Variants in ANKIB1 observed in about 807,000 individuals in gnomAD.
ANKIB1 encodes ankyrin repeat and IBR domain containing 1.
Under a neutral mutation model 122.1 loss-of-function variants are expected in ANKIB1, and 43 were observed. The ratio of observed to expected loss-of-function variants is 0.35; its 90% CI spans 0.28 to 0.45. ANKIB1 has a LOEUF of 0.45. Ranked by LOEUF, ANKIB1 falls within the 20% of genes least tolerant of loss-of-function variation. The pLI, the probability that ANKIB1 is intolerant of heterozygous loss-of-function variation, is 1.00. For missense variants in ANKIB1, 992 were observed against 1,329.5 expected, an observed-to-expected ratio of 0.75 and a Z score of 3.95; for synonymous variants, 390 against 442.0, an observed-to-expected ratio of 0.88 and a Z score of 1.48.
At chr7:92,290,412 C>A (rs1802222674) in intron 1 of ANKIB1, among the ~76,000 whole-genome samples, 1 of 141,108 alleles carries the variant, frequency 7.1e-6, no homozygotes, top group Non-Finnish European at 1.5e-5. Flanking sequence ...TGTATTGGGA[C>A]CTGCTGCCTG....
intron 11 of ANKIB1, among the ~76,000 whole-genome samples, chr7:92,374,812 A>G (rs1804346452): frequency 6.6e-6 from 1 of 152,156 alleles, no homozygotes; most frequent in South Asian, 2.1e-4. Context: ...CGCGACTAAT[A>G]AATAAATCCA....
chr7:92,359,630 C>T (rs1429679644), intron 9 of ANKIB1, among the ~76,000 whole-genome samples: 1 of 152,160 alleles, frequency 6.6e-6, no homozygotes, highest in Non-Finnish European at 1.5e-5. Flanking sequence ...AGTTCTAGAT[C>T]CTTGAGGAAT....
intron 7 of ANKIB1, among the ~76,000 whole-genome samples, chr7:92,350,098 AT>A (rs953155383): frequency 5.3e-5 from 8 of 151,860 alleles, no homozygotes; most frequent in African/African-American, 1.9e-4. Flanking sequence ...TTTACAGGGC[AT>A]TTTTTCCTCA....
At chr7:92,343,629 C>T (rs1803478672) in intron 6 of ANKIB1, among the ~76,000 whole-genome samples, 1 of 151,978 alleles carries the variant, frequency 6.6e-6, no homozygotes, top group Non-Finnish European at 1.5e-5. Context: ...CTCAGGAGTT[C>T]AAGACTAGCC....
intron 11 of ANKIB1, among the ~76,000 whole-genome samples, chr7:92,382,013 C>A (rs1376567795): frequency 6.6e-6 from 1 of 151,244 alleles, no homozygotes; most frequent in African/African-American, 2.4e-5. Context: ...TGTGCAGAGA[C>A]ATACATAGGC....
At chr7:92,279,924 C>T (rs1336611113) in intron 1 of ANKIB1, among the ~76,000 whole-genome samples, 1 of 152,136 alleles carries the variant, frequency 6.6e-6, no homozygotes, top group African/African-American at 2.4e-5. Context: ...AATTGTCAGC[C>T]TCTACGGGTC....
intron 1 of ANKIB1, among the ~76,000 whole-genome samples, chr7:92,261,005 C>T (rs1204811488): frequency 6.6e-6 from 1 of 151,520 alleles, no homozygotes; most frequent in East Asian, 2.0e-4. Flanking sequence ...CTCTGCTTTC[C>T]TTTTTCTAAA....
chr7:92,387,750 G>C (rs754764538), intron 12 of ANKIB1, 48 bp from the exon 13 acceptor site: 1 of 1,415,748 alleles, frequency 7.1e-7, no homozygotes, highest in African/African-American at 1.4e-5. Flanking sequence ...AACTATTTTA[G>C]TAGCTACTAG....
intron 2 of ANKIB1, among the ~76,000 whole-genome samples, chr7:92,296,986 A>G (rs893583383): frequency 6.6e-6 from 1 of 152,144 alleles, no homozygotes; most frequent in African/African-American, 2.4e-5. Flanking sequence ...GAAATTTTAT[A>G]TTTTCCCTTC....
At chr7:92,335,992 A>G (rs1469436608) in intron 5 of ANKIB1, among the ~76,000 whole-genome samples, 1 of 151,932 alleles carries the variant, frequency 6.6e-6, no homozygotes, top group African/African-American at 2.4e-5. Flanking sequence ...TTATCATTTT[A>G]TAGTCTATTT....
At chr7:92,374,915 A>G (rs1457089102) in intron 11 of ANKIB1, among the ~76,000 whole-genome samples, 3 of 152,182 alleles carry the variant, frequency 2.0e-5, no homozygotes, top group South Asian at 2.1e-4. Context: ...CAAAGACACA[A>G]TATGAAGAAT....
intron 1 of ANKIB1, among the ~76,000 whole-genome samples, chr7:92,268,787 G>C (rs1801724803): frequency 6.6e-6 from 1 of 152,150 alleles, no homozygotes; most frequent in Non-Finnish European, 1.5e-5. Flanking sequence ...GTCTTAATTG[G>C]TGTCCTTTGA....
At chr7:92,271,779 A>G (rs966032915) in intron 1 of ANKIB1, among the ~76,000 whole-genome samples, 2 of 152,208 alleles carry the variant, frequency 1.3e-5, no homozygotes, top group East Asian at 1.9e-4. Context: ...AACAAAATAT[A>G]AAGAGATTAA....
chr7:92,347,912 G>A (rs2097810), intron 7 of ANKIB1: 129,206 of 394,932 alleles, frequency 0.33, 21,904 homozygotes, highest in Non-Finnish European at 0.35. Flanking sequence ...TATAGTAATC[G>A]TTCAATAAAT....
chr7:92,397,678 T>C (rs1206305890), intron 18 of ANKIB1, 45 bp from the exon 19 acceptor site: 1 of 1,603,320 alleles, frequency 6.2e-7, no homozygotes. Context: ...TAAATAAGTC[T>C]TATTTGTCAC....
intron 3 of ANKIB1, among the ~76,000 whole-genome samples, chr7:92,309,923 T>TAAAAAAAAAA (rs869276384): frequency 5.3e-4 from 51 of 96,042 alleles, no homozygotes; most frequent in African/African-American, 1.8e-3. Flanking sequence ...AGACTCCATC[T>TAAAAAAAAAA]AAAAAAAAAA....
chr7:92,325,700 A>C (rs1320974211), intron 4 of ANKIB1, among the ~76,000 whole-genome samples: 2 of 152,096 alleles, frequency 1.3e-5, no homozygotes, highest in African/African-American at 2.4e-5. Flanking sequence ...TTCCTTGTGA[A>C]AAAAATAAAA....
chr7:92,391,366 G>T, intron 16 of ANKIB1, 22 bp downstream of exon 16: 1 of 1,544,458 alleles, frequency 6.5e-7, no homozygotes, highest in Non-Finnish European at 8.8e-7. Context: ...GTACACTGTG[G>T]AAATCATCCT....
chr7:92,388,565 A>G (rs1435280015), intron 14 of ANKIB1, among the ~76,000 whole-genome samples: 3 of 152,270 alleles, frequency 2.0e-5, no homozygotes, highest in Admixed American at 6.5e-5. Flanking sequence ...GTCCTAAATT[A>G]TAAGTTAGAA....
Sources: gnomAD v4.1 joint callset for allele counts (sites outside exome capture counted in the v4.1 genomes callset) on GRCh38, gnomAD v4.1.1 for gene constraint, MANE v1.5 for transcripts, NCBI Gene and HGNC (gene_info 2026-07-23, HGNC 2026-07-21) for gene names.